CACNA2D1: variants seen among roughly 807,000 people sequenced by gnomAD.
CACNA2D1 encodes calcium voltage-gated channel auxiliary subunit alpha2delta 1.
Under a neutral mutation model 171.5 loss-of-function variants are expected in CACNA2D1, and 53 were observed. That is an observed-to-expected ratio of 0.31 (90% confidence interval 0.25 to 0.39). The LOEUF (loss-of-function observed/expected upper bound fraction) is 0.39. Among genes scored for constraint, CACNA2D1 ranks in the 10% least tolerant of loss-of-function variants. The pLI is 1.00. For synonymous variants in CACNA2D1, 442 were observed against 443.1 expected (o/e 1.00, Z 0.03); for missense variants, 903 against 1,299.8 (o/e 0.69, Z 4.69).
intron 1 of CACNA2D1, among the ~76,000 whole-genome samples, chr7:82,425,175 C>A (rs1164401094): frequency 6.6e-6 from 1 of 152,166 alleles, no homozygotes; most frequent in Admixed American, 6.5e-5. Context: ...ACTTAATCAG[C>A]TGAATGCCCT....
chr7:82,006,686 C>T (rs1051352795), intron 16 of CACNA2D1, among the ~76,000 whole-genome samples: 1 of 152,040 alleles, frequency 6.6e-6, no homozygotes, highest in African/African-American at 2.4e-5. Context: ...CTGAAGCAAT[C>T]TCTTAGTTCA....
chr7:82,333,780 T>A (rs1468399), intron 3 of CACNA2D1, among the ~76,000 whole-genome samples: 23,635 of 150,862 alleles, frequency 0.16, 1,997 homozygotes, highest in South Asian at 0.28. Flanking sequence ...TTGGAAAAAA[T>A]AATTTGAAAT....
chr7:82,060,539 CA>C lies in CACNA2D1; in HGVS notation c.780-13del. The C allele has an allele frequency of 6.8e-7, 1 of 1,479,416 alleles. No individual in the cohort carries two copies. The highest frequency in any genetic ancestry group is 9.4e-7 in the Non-Finnish European group (1 of 1,060,180). The allele number at this position is 1,479,416 out of a possible 1,614,324, so 91.6% of individuals were successfully genotyped here. Reference sequence around the variant, plus strand: ...TAACACTTCCACTCCTAGAAATAGACAAATGGGTCCATACATGTTACTCATC... The same window carrying C: ...TAACACTTCCACTCCTAGAAATAGACAATGGGTCCATACATGTTACTCATC... On this transcript the variant is annotated splice_polypyrimidine_tract_variant and intron_variant, in intron 9 of 38. Coordinates refer to ENST00000356860, the MANE Select transcript of CACNA2D1 (RefSeq NM_000722.4).
chr7:82,208,876 T>G (rs1174960122), intron 3 of CACNA2D1, among the ~76,000 whole-genome samples: 1 of 152,206 alleles, frequency 6.6e-6, no homozygotes, highest in East Asian at 1.9e-4. Flanking sequence ...AATACATATC[T>G]TAACTAGCTT....
intron 3 of CACNA2D1, among the ~76,000 whole-genome samples, chr7:82,259,543 G>T (rs1432547392): frequency 1.3e-5 from 2 of 152,158 alleles, no homozygotes; most frequent in African/African-American, 4.8e-5. Flanking sequence ...GAATTTGAAT[G>T]TGATATTAAC....
At chr7:82,311,509 T>G (rs1022769758) in intron 3 of CACNA2D1, among the ~76,000 whole-genome samples, 2 of 152,148 alleles carry the variant, frequency 1.3e-5, no homozygotes, top group Admixed American at 1.3e-4. Context: ...CTGTTTACTT[T>G]TTACAGTTCT....
chr7:82,381,269 G>A (rs1375503501), intron 1 of CACNA2D1, among the ~76,000 whole-genome samples: 1 of 147,378 alleles, frequency 6.8e-6, no homozygotes, highest in African/African-American at 2.5e-5. Context: ...AGCTGAGATC[G>A]CGCCATTGCA....
intron 5 of CACNA2D1, among the ~76,000 whole-genome samples, chr7:82,136,221 T>C (rs1396317144): frequency 6.6e-6 from 1 of 152,180 alleles, no homozygotes; most frequent in African/African-American, 2.4e-5. Flanking sequence ...TCATTCATAT[T>C]GTAGTTGAAG....
chr7:82,234,208 G>C (rs1385343638), intron 3 of CACNA2D1, among the ~76,000 whole-genome samples: 1 of 152,044 alleles, frequency 6.6e-6, no homozygotes, highest in Non-Finnish European at 1.5e-5. Flanking sequence ...AATGAATTAT[G>C]TGTGGAACTA....
At chr7:82,440,280 A>T (rs1017281930) in intron 1 of CACNA2D1, among the ~76,000 whole-genome samples, 84 of 151,836 alleles carry the variant, frequency 5.5e-4, no homozygotes, top group African/African-American at 2.0e-3. Flanking sequence ...ATATTTTTTA[A>T]TTGCATTTGT....
intron 3 of CACNA2D1, among the ~76,000 whole-genome samples, chr7:82,209,747 T>C (rs574122217): frequency 4.6e-5 from 7 of 152,270 alleles, no homozygotes; most frequent in African/African-American, 1.7e-4. Context: ...TTGTGAAATA[T>C]TTTATTTTTG....
rs566144312 is a variant in CACNA2D1, at chr7:81,950,550, C to T, written c.3160-42G>A. The T allele has an allele frequency of 4.5e-6, 7 of 1,569,916 alleles. No individual in the cohort carries two copies. In the African/African-American group the frequency reaches 9.6e-5, roughly 21 times the overall value. The stretch of plus-strand genomic sequence containing the variant: ...AAGAAAAGAACAGAAAAAGAAAAAT[C>T]TAAAAATCTTGAAAAATATTTAGTA... On this transcript the variant is annotated intron_variant, in intron 38 of 38. Transcript: ENST00000356860.
At chr7:81,980,614 A>ACT (rs10648440) in intron 24 of CACNA2D1, among the ~76,000 whole-genome samples, 100,960 of 151,736 alleles carry the variant, frequency 0.67, 33,787 homozygotes, top group African/African-American at 0.74. Context: ...CATTTTAGAA[A>ACT]CTCTCTGGTT....
intron 12 of CACNA2D1, among the ~76,000 whole-genome samples, chr7:82,017,216 G>C (rs1336109592): frequency 6.6e-6 from 1 of 151,904 alleles, no homozygotes; most frequent in Admixed American, 6.6e-5. Context: ...ATTCAGTTGA[G>C]AAGAAGTTTA....
rs577711700 is a variant in CACNA2D1 at position 82,125,981 on chromosome 7, G to T, written c.397-8808C>A. 1.6e-4 allele frequency among the ~76,000 whole-genome samples: 24 copies of T among 152,198 alleles called. No homozygotes were observed. In the South Asian group the frequency reaches 5.0e-3, roughly 32 times the overall value. ...AGATCACTTCCACTTAAGTTGTAAT[G>T]ATATTAATAATTAATGTTTTTCACA... On this transcript the variant is annotated intron_variant, in intron 5 of 38. Coordinates refer to ENST00000356860, the MANE Select transcript of CACNA2D1 (RefSeq NM_000722.4).
chr7:82,389,190 T>C (rs1238702127), intron 1 of CACNA2D1, among the ~76,000 whole-genome samples: 1 of 148,874 alleles, frequency 6.7e-6, no homozygotes, highest in Non-Finnish European at 1.5e-5. Context: ...TATGTGTATA[T>C]ATGTAAAGGT....
rs1554398166 is a variant in CACNA2D1 at position 82,084,883 on chromosome 7, C to A, written c.544G>T (p.Glu182Ter). ...IYEGSTIVLN[E>*]LNWTSALDEV... The stretch of plus-strand genomic sequence containing the variant: ...TCTAAGGCACTTGTCCAGTTGAGTT[C>A]ATTTAACACAATTGTTGCTAACAAA... The change falls in exon 7 of 39, where the codon GAA (glutamate) becomes TAA (stop). Residue 182 changes from glutamate to a stop codon, truncating the protein, a stop_gained. Coordinates refer to ENST00000356860, the MANE Select transcript of CACNA2D1 (RefSeq NM_000722.4). LOFTEE classifies it high-confidence loss of function. 6.2e-7 allele frequency: 1 copy of A among 1,613,306 alleles called. No homozygotes were observed. The highest frequency in any genetic ancestry group is 1.1e-5 in the South Asian group (1 of 91,062).
intron 21 of CACNA2D1, among the ~76,000 whole-genome samples, chr7:81,985,032 T>G (rs1796808802): frequency 6.6e-6 from 1 of 152,002 alleles, no homozygotes; most frequent in African/African-American, 2.4e-5. Context: ...TAAATTACTT[T>G]GAATTTTAAC....
chr7:81,964,443 G>A (rs1368474173), intron 32 of CACNA2D1, 84 bp from the exon 33 acceptor site: 3 of 1,074,634 alleles, frequency 2.8e-6, no homozygotes, highest in Non-Finnish European at 4.1e-6. Context: ...ACAGTGAAAA[G>A]AAATAATACA....
Sources: allele counts gnomAD v4.1 joint callset (sites outside exome capture counted in the v4.1 genomes callset), GRCh38; gene constraint gnomAD v4.1.1; transcripts MANE v1.5; gene names NCBI Gene and HGNC (gene_info 2026-07-23, HGNC 2026-07-21).